SF3A1: variants seen among roughly 807,000 people sequenced by gnomAD.
The protein encoded by SF3A1 is SAP 114.
SF3A1 carries 13 observed loss-of-function variants against 89.9 expected under a neutral mutation model. That is an observed-to-expected ratio of 0.14 (90% CI 0.09 to 0.23). SF3A1 has a LOEUF of 0.23. Ranked by LOEUF, SF3A1 falls within the 10% of genes least tolerant of loss-of-function variation. The pLI is 1.00. For missense variants in SF3A1, 604 were observed against 1,022.1 expected (o/e 0.59, Z 5.58); for synonymous variants, 405 against 374.4 (o/e 1.08, Z -0.94).
At chr22:30,340,875 C>A (rs2145807585) in intron 7 of SF3A1, 63 bp from the exon 8 acceptor site, 1 of 950,762 alleles carries the variant, frequency 1.1e-6, no homozygotes, top group Non-Finnish European at 1.6e-6. Context: ...GTAGCTGAGC[C>A]TGGCAGGTCT....
At chr22:30,348,389 TC>T (rs1931483266) in intron 2 of SF3A1, among the ~76,000 whole-genome samples, 1 of 152,140 alleles carries the variant, frequency 6.6e-6, no homozygotes, top group African/African-American at 2.4e-5. Context: ...ACACTTGTAG[TC>T]CCAGCTACTC....
At chr22:30,356,559 A>C (rs574738184) in intron 1 of SF3A1, 171 bp downstream of exon 1, 48 of 467,650 alleles carry the variant, frequency 1.0e-4, no homozygotes, top group Non-Finnish European at 1.4e-4. Context: ...AATCCCGTTC[A>C]GGGTGGCTCA....
intron 10 of SF3A1, 40 bp downstream of exon 10, chr22:30,339,090 C>CG (rs749334184): frequency 2.5e-5 from 41 of 1,613,874 alleles, no homozygotes; most frequent in Admixed American, 1.0e-4. Context: ...GTATGGAAGA[C>CG]GGGGGGCAGA....
intron 13 of SF3A1, 33 bp downstream of exon 13, chr22:30,336,993 T>TA (rs1407654853): frequency 6.2e-6 from 10 of 1,613,702 alleles, no homozygotes; most frequent in Non-Finnish European, 7.6e-6. Context: ...ACCCTCCAGC[T>TA]AGAAACTTCA....
chr22:30,342,063 C>A (rs970655471), intron 6 of SF3A1, 137 bp downstream of exon 6: 9 of 1,234,284 alleles, frequency 7.3e-6, no homozygotes, highest in Non-Finnish European at 8.2e-6. Context: ...GAACTGAAGT[C>A]TTTTGGGAGC....
intron 1 of SF3A1, among the ~76,000 whole-genome samples, chr22:30,353,929 C>T (rs769949253): frequency 5.3e-5 from 8 of 152,146 alleles, no homozygotes; most frequent in Middle Eastern, 3.2e-3. Context: ...CTGCACCCAG[C>T]GATGGGCTTG....
intron 1 of SF3A1, among the ~76,000 whole-genome samples, chr22:30,355,814 T>TGC (rs1304859430): frequency 3.0e-5 from 2 of 66,270 alleles, no homozygotes; most frequent in African/African-American, 6.8e-5. Flanking sequence ...TTCAGTCATG[T>TGC]TCCCCCCCCC....
At chr22:30,356,690 C>T in intron 1 of SF3A1, 40 bp downstream of exon 1, 1 of 1,431,672 alleles carries the variant, frequency 7.0e-7, no homozygotes, top group Non-Finnish European at 9.3e-7. Flanking sequence ...GCGCCCAGGC[C>T]AACCCTCCGG....
intron 3 of SF3A1, among the ~76,000 whole-genome samples, chr22:30,345,768 G>T (rs1931399198): frequency 6.6e-6 from 1 of 152,168 alleles, no homozygotes; most frequent in Non-Finnish European, 1.5e-5. Flanking sequence ...CAGAAGGCAG[G>T]TCTGGACAGG....
chr22:30,350,200 T>C (rs1233107623), intron 2 of SF3A1, among the ~76,000 whole-genome samples: 1 of 151,806 alleles, frequency 6.6e-6, no homozygotes, highest in African/African-American at 2.4e-5. Flanking sequence ...TCACTGCCTG[T>C]AATCCCAGCC....
chr22:30,348,074 C>T lies in SF3A1; in HGVS notation c.186-1555G>A, dbSNP rs76756237. The stretch of plus-strand genomic sequence containing the variant: ...TGCTCAGGCTGGTCTCAAACTCCTG[C>T]GCTTAAGCGCCTTGGCCTCCCAAAG... On this transcript the variant is annotated intron_variant, in intron 2 of 15. Transcript: ENST00000215793. Among the ~76,000 whole-genome samples, 78 of 152,302 alleles carry T rather than the reference C, an allele frequency of 5.1e-4. 2 individuals carry two copies. In the East Asian group the frequency reaches 9.7e-3, roughly 19 times the overall value.
intron 1 of SF3A1, among the ~76,000 whole-genome samples, chr22:30,355,657 T>A (rs1931776173): frequency 6.6e-6 from 1 of 152,220 alleles, no homozygotes. Flanking sequence ...TCAACACTTG[T>A]TCATTTACTC....
At chr22:30,352,868 C>G in intron 2 of SF3A1, 83 bp downstream of exon 2, 3 of 1,539,364 alleles carry the variant, frequency 1.9e-6, no homozygotes, top group Non-Finnish European at 1.8e-6. Flanking sequence ...AACAACGTCT[C>G]TTTAAAAACC....
chr22:30,350,964 T>C (rs73406427), intron 2 of SF3A1, among the ~76,000 whole-genome samples: 1,764 of 152,276 alleles, frequency 0.012, 37 homozygotes, highest in African/African-American at 0.04. Flanking sequence ...TCAAAGCCCT[T>C]GAAATGTAAT....
chr22:30,339,551 T>C (rs1325863632), intron 9 of SF3A1, among the ~76,000 whole-genome samples: 1 of 151,936 alleles, frequency 6.6e-6, no homozygotes, highest in Non-Finnish European at 1.5e-5. Flanking sequence ...AGGTCAGGAG[T>C]TCGAGACCAG....
chr22:30,341,566 C>CA lies in SF3A1; in HGVS notation c.1071+125_1071+126insT. 1.0e-5 allele frequency: 5 copies of CA among 496,184 alleles called. 1 individual carries two copies. The highest frequency in any genetic ancestry group is 2.1e-5 in the South Asian group (1 of 47,332). 30.7% of individuals were successfully genotyped at this position (496,184 alleles called of 1,614,324 possible). A position where few individuals can be genotyped will look rare whatever the true frequency, so the allele number is the denominator to read the frequency against. The stretch of plus-strand genomic sequence containing the variant: ...TGCCTGGACTTGGGCAGCTGTATGG[C>CA]CTTGTTCAGGACCCACGCCTCCTTT... On this transcript the variant is annotated intron_variant, in intron 7 of 15. Coordinates refer to ENST00000215793, the MANE Select transcript of SF3A1 (RefSeq NM_005877.6).
chr22:30,348,853 G>A (rs1458519047), intron 2 of SF3A1, among the ~76,000 whole-genome samples: 1 of 152,216 alleles, frequency 6.6e-6, no homozygotes, highest in Non-Finnish European at 1.5e-5. Flanking sequence ...GTTGTCTCCT[G>A]TACCACTGCC....
Position 30,356,805 on chromosome 22 carries a change from C to A in SF3A1, c.-13G>T. ...GTCCGGCCGGCATGACTGCGACGCT[C>A]AGGGCTGCCAGTCCGCCTCGGTGTC... On this transcript the variant is annotated 5_prime_UTR_variant, in exon 1 of 16. Transcript: ENST00000215793. The A allele has an allele frequency of 7.4e-7, 1 of 1,357,064 alleles. No individual in the cohort carries two copies. Among genetic ancestry groups the A allele is most frequent in the Non-Finnish European group, 9.6e-7 (1 of 1,045,280 alleles). 84.1% of individuals were successfully genotyped at this position (1,357,064 alleles called of 1,614,324 possible). A position where few individuals can be genotyped will look rare whatever the true frequency, so the allele number is the denominator to read the frequency against.
rs1930983140 is a variant in SF3A1 at position 30,333,771 on chromosome 22, G to A, written c.*823C>T. 1 of 152,130 alleles carries A rather than the reference G, an allele frequency of 6.6e-6. No individual in the cohort carries two copies. The highest frequency in any genetic ancestry group is 1.5e-5 in the Non-Finnish European group (1 of 68,020). The allele number at this position is 152,130 out of a possible 1,614,324, so 9.4% of individuals were successfully genotyped here. On this transcript the variant is annotated 3_prime_UTR_variant, in exon 16 of 16. Transcript: ENST00000215793. ...TGGTACATGACCTTAATACAATTAAGTATTTGTTAAATACATACATTTTAA... is the reference window on the plus strand; with the variant it reads ...TGGTACATGACCTTAATACAATTAAATATTTGTTAAATACATACATTTTAA...
Sources: allele counts gnomAD v4.1 joint callset (sites outside exome capture counted in the v4.1 genomes callset), GRCh38; gene constraint gnomAD v4.1.1; transcripts MANE v1.5; gene names NCBI Gene and HGNC (gene_info 2026-07-23, HGNC 2026-07-21).